LRP2: variants seen among roughly 807,000 people sequenced by gnomAD.
LRP2 encodes the protein low-density lipoprotein receptor-related protein 2.
In LRP2, 172 loss-of-function variants were observed where a neutral mutation model predicts 531.0. That is an observed-to-expected ratio of 0.32 (90% CI 0.29 to 0.37). The LOEUF (loss-of-function observed/expected upper bound fraction) is 0.37. Ranked by LOEUF, LRP2 falls within the 10% of genes least tolerant of loss-of-function variation. LRP2 has a pLI of 1.00. For missense variants in LRP2, 5,167 were observed against 5,868.3 expected (o/e 0.88, Z 3.90); for synonymous variants, 1,992 against 2,027.6 (o/e 0.98, Z 0.47).
chr2:169,185,832 G>A lies in LRP2; in HGVS notation c.9516C>T (p.Gly3172=), dbSNP rs767969551. The A allele has an allele frequency of 1.1e-5, 17 of 1,613,944 alleles. No homozygotes were observed. Among genetic ancestry groups the A allele is most frequent in the Non-Finnish European group, 1.4e-5 (17 of 1,179,974 alleles). The change falls in exon 50 of 79, where the codon GGC becomes GGT. Residue 3172 remains glycine, a synonymous_variant. Transcript: ENST00000649046. ...CTGGGGCACACTTACAGATGTAGGA[G>A]CCTATTACATTCTCACACTTCTGGC... is the stretch of plus-strand genomic sequence containing the variant. ...VCSQKCENVI[G]SYICKCAPGY...
At chr2:169,247,118 G>A in intron 20 of LRP2, 132 bp from the exon 21 acceptor site, 1 of 1,131,508 alleles carries the variant, frequency 8.8e-7, no homozygotes, top group South Asian at 1.4e-5. Flanking sequence ...GCTTCCTCTT[G>A]GAAATCAACC....
At position 169,282,877 on chromosome 2, in the gene LRP2, A is replaced by C. The variant is rs111704488; in HGVS notation, c.1167T>G (p.Asp389Glu). 1.6e-3 allele frequency: 2,628 copies of C among 1,613,916 alleles called. 32 individuals carry two copies. In the African/African-American group the frequency reaches 0.03, roughly 18 times the overall value. ...LERGQYCKAN[D>E]SFGEASIIFS... Reference sequence around the variant, plus strand: ...AGGTGTCCATAATTTACTCACAGGAATCATTAGCTTTGCAATACTGTCCAC... The same window carrying C: ...AGGTGTCCATAATTTACTCACAGGACTCATTAGCTTTGCAATACTGTCCAC... Residue 389 changes from aspartate (D) to glutamate (E), a missense_variant, in exon 10 of 79, where the codon GAT (aspartate) becomes GAG (glutamate). Asp to Glu is a conservative substitution (Grantham distance 45). Around this residue, in one of 6 missense-constraint regions of LRP2, gnomAD observed 2,811 missense variants for 3,058.0 expected, o/e 0.92. Transcript: ENST00000649046.
intron 6 of LRP2, 38 bp from the exon 7 acceptor site, chr2:169,292,407 T>A: frequency 1.5e-6 from 2 of 1,346,460 alleles, no homozygotes; most frequent in South Asian, 1.2e-5. Flanking sequence ...AAGACACAAA[T>A]CACCGGGAAA....
At chr2:169,187,892 A>G in intron 49 of LRP2, 78 bp downstream of exon 49, 1 of 1,459,428 alleles carries the variant, frequency 6.9e-7, no homozygotes, top group Non-Finnish European at 9.6e-7. Context: ...ACAGGTTGGA[A>G]AGTCTAAGTC....
At chr2:169,299,119 G>GAAAA (rs1261917144) in intron 4 of LRP2, among the ~76,000 whole-genome samples, 1,447 of 85,542 alleles carry the variant, frequency 0.017, 62 homozygotes, top group African/African-American at 0.058. Flanking sequence ...AAGAAAGAAA[G>GAAAA]AAAGAAAGAA....
rs140160600 is a variant in LRP2, at chr2:169,140,517, G to A, written c.13137C>T (p.Pro4379=). ...AAIELPINLP[P]PCRCMHGGNC... is the part of the protein sequence containing the mutation. ...TTCCTCCGTGCATGCACCTGCATGG[G>A]GGGGGCAGGTTGATAGGCAGTTCGA... Residue 4379 remains proline (P), a synonymous_variant, in exon 72 of 79, where the codon CCC becomes CCT. Transcript: ENST00000649046. 2.2e-5 allele frequency: 36 copies of A among 1,613,926 alleles called. No homozygotes were observed. In the East Asian group the frequency reaches 6.2e-4, roughly 28 times the overall value.
intron 10 of LRP2, among the ~76,000 whole-genome samples, chr2:169,281,705 G>A (rs754105547): frequency 2.0e-5 from 3 of 151,706 alleles, no homozygotes; most frequent in South Asian, 4.2e-4. Context: ...GCAACAGAGC[G>A]AGACTCATTC....
intron 46 of LRP2, among the ~76,000 whole-genome samples, chr2:169,194,866 C>T (rs1448848029): frequency 2.0e-5 from 3 of 151,912 alleles, no homozygotes; most frequent in African/African-American, 4.8e-5. Flanking sequence ...CGTGTGCCAC[C>T]GCGCCCGGCT....
intron 4 of LRP2, among the ~76,000 whole-genome samples, chr2:169,301,049 G>A (rs830965): frequency 0.32 from 48,801 of 151,930 alleles, 8,263 homozygotes; most frequent in African/African-American, 0.42. Flanking sequence ...GGCAGACCAA[G>A]TACTGCTGAT....
chr2:169,191,555 A>G (rs1179569229), intron 48 of LRP2, among the ~76,000 whole-genome samples: 1 of 151,990 alleles, frequency 6.6e-6, no homozygotes, highest in Non-Finnish European at 1.5e-5. Flanking sequence ...AATTGTTAAT[A>G]TGGTATTATG....
In LRP2 at chr2:169,206,156, A is replaced by G. The variant is rs773991397; in HGVS notation, c.7423T>C (p.Trp2475Arg). 6.2e-7 allele frequency: 1 copy of G among 1,614,260 alleles called. No individual in the cohort carries two copies. The highest frequency in any genetic ancestry group is 8.5e-7 in the Non-Finnish European group (1 of 1,180,046). ...IGTADGIAFD[W>R]ITRRIYYSDY... ...CTGTAATAAATTCTTCTAGTAATCC[A>G]GTCAAAGGCAATGCCATCAGCAGTC... The change falls in exon 40 of 79, where the codon TGG (tryptophan) becomes CGG (arginine). Residue 2475 changes from tryptophan (W) to arginine (R), a missense_variant. Transcript: ENST00000649046.
chr2:169,293,722 T>G (rs1684062374), intron 6 of LRP2, among the ~76,000 whole-genome samples: 1 of 152,120 alleles, frequency 6.6e-6, no homozygotes, highest in Non-Finnish European at 1.5e-5. Flanking sequence ...CCTCCAACTT[T>G]AATGCAGCAG....
chr2:169,243,768 G>C (rs1689898934), intron 22 of LRP2, among the ~76,000 whole-genome samples: 1 of 152,166 alleles, frequency 6.6e-6, no homozygotes, highest in Non-Finnish European at 1.5e-5. Flanking sequence ...TTGGAAAATA[G>C]ACCACATTCA....
In LRP2 at chr2:169,188,145, A is replaced by G; in HGVS notation, c.9153T>C (p.Cys3051=). The change falls in exon 49 of 79, where the codon TGT becomes TGC. Residue 3051 remains cysteine, a synonymous_variant. Transcript: ENST00000649046. ...NGRCISKTFV[C]DEDNDCGDGS... ...CGTCTCCACAGTCATTATCCTCATCACAGACGAAGGTTTTACTAATGCAGC... is the reference window on the plus strand; with the variant it reads ...CGTCTCCACAGTCATTATCCTCATCGCAGACGAAGGTTTTACTAATGCAGC... 6.2e-7 allele frequency: 1 copy of G among 1,613,998 alleles called. No homozygotes were observed. Among genetic ancestry groups the G allele is most frequent in the Non-Finnish European group, 8.5e-7 (1 of 1,180,002 alleles).
rs58968810 is a variant in LRP2, at chr2:169,337,004, G to A, written c.80-16120C>T. Among the ~76,000 whole-genome samples, 653 of 152,252 alleles carry A rather than the reference G, an allele frequency of 4.3e-3. 5 individuals carry two copies. Among genetic ancestry groups the A allele is most frequent in the African/African-American group, 0.015 (626 of 41,550 alleles). ...TGTTCTGATAGTCCAGGAATGAGAC[G>A]ATTAGAGCCTTATCTAGTTAAATGG... On this transcript the variant is annotated intron_variant, in intron 1 of 78. Transcript: ENST00000649046.
chr2:169,180,600 T>C (rs1392009600), intron 52 of LRP2, among the ~76,000 whole-genome samples: 2 of 152,222 alleles, frequency 1.3e-5, no homozygotes, highest in African/African-American at 4.8e-5. Flanking sequence ...GAGCATGGTG[T>C]TAGAGAACTT....
intron 4 of LRP2, among the ~76,000 whole-genome samples, chr2:169,296,727 C>T (rs1227923032): frequency 6.6e-6 from 1 of 151,924 alleles, no homozygotes; most frequent in Non-Finnish European, 1.5e-5. Context: ...ATGGATCTCT[C>T]GTTTTCTTCA....
At chr2:169,339,163 C>T (rs1050070815) in intron 1 of LRP2, among the ~76,000 whole-genome samples, 17 of 151,008 alleles carry the variant, frequency 1.1e-4, no homozygotes, top group African/African-American at 4.1e-4. Flanking sequence ...ATATATATAG[C>T]TCTTCTATAT....
chr2:169,164,970 G>A (rs1249342568), intron 62 of LRP2, among the ~76,000 whole-genome samples: 1 of 152,084 alleles, frequency 6.6e-6, no homozygotes, highest in African/African-American at 2.4e-5. Flanking sequence ...TCATGCTTTT[G>A]CGCTATGCCT....
Sources: allele counts gnomAD v4.1 joint callset (sites outside exome capture counted in the v4.1 genomes callset), GRCh38; gene constraint gnomAD v4.1.1; regional missense constraint gnomAD v4.1.1; transcripts MANE v1.5; gene names NCBI Gene and HGNC (gene_info 2026-07-23, HGNC 2026-07-21).